PTPRD: variants seen among roughly 807,000 people sequenced by gnomAD.
The protein encoded by PTPRD is protein tyrosine phosphatase receptor type D.
A neutral mutation model predicts 214.5 loss-of-function variants in PTPRD; 34 were observed. The observed-to-expected ratio is 0.16, with a 90% confidence interval of 0.12 to 0.21. The LOEUF (loss-of-function observed/expected upper bound fraction) is 0.21. PTPRD is among the 10% of genes least tolerant of loss of function. The probability of loss-of-function intolerance (pLI) is 1.00; values close to 1 mark genes in which losing one functional copy is unlikely to be tolerated. For missense variants in PTPRD, 2,545 were observed against 2,398.7 expected (o/e 1.06, Z -1.27); for synonymous variants, 1,128 against 845.7 (o/e 1.33, Z -5.79).
intron 10 of PTPRD, among the ~76,000 whole-genome samples, chr9:9,023,950 T>C (rs2099578253): frequency 6.6e-6 from 1 of 152,090 alleles, no homozygotes; most frequent in African/African-American, 2.4e-5. Flanking sequence ...ATTAAGTCAT[T>C]AATCATCATT....
At chr9:8,757,332 G>C (rs1007159952) in intron 11 of PTPRD, among the ~76,000 whole-genome samples, 1 of 152,086 alleles carries the variant, frequency 6.6e-6, no homozygotes, top group Non-Finnish European at 1.5e-5. Context: ...CAAATACATG[G>C]TTTGAATGAG....
intron 10 of PTPRD, among the ~76,000 whole-genome samples, chr9:9,147,209 C>G (rs1373869433): frequency 6.8e-6 from 1 of 147,824 alleles, no homozygotes; most frequent in Non-Finnish European, 1.5e-5. Context: ...GTCCTAAAAA[C>G]CTGAATAATG....
chr9:10,549,746 A>T (rs2060909337), intron 2 of PTPRD, among the ~76,000 whole-genome samples: 1 of 152,190 alleles, frequency 6.6e-6, no homozygotes, highest in Admixed American at 6.5e-5. Flanking sequence ...TGTCTTCTTC[A>T]TAAAAACTAT....
intron 7 of PTPRD, among the ~76,000 whole-genome samples, chr9:9,655,524 G>T (rs1374651668): frequency 6.6e-6 from 1 of 151,816 alleles, no homozygotes; most frequent in Non-Finnish European, 1.5e-5. Flanking sequence ...AGCCGAAATT[G>T]CATCACTGCA....
intron 39 of PTPRD, among the ~76,000 whole-genome samples, chr9:8,353,910 GTATATATGTA>G (rs1564201779): frequency 9.9e-6 from 1 of 100,748 alleles, no homozygotes; most frequent in East Asian, 2.7e-4. Flanking sequence ...GTATATATGT[GTATATATGTA>G]TATATATGTG....
In PTPRD at chr9:8,392,151, G is replaced by T. The variant is rs900980562; in HGVS notation, c.4211-2744C>A. ...TATAATCCCAACATTTTGAGAGGCT[G>T]AGGCAGGAGGATCACTTGAGCCCAG... is the stretch of plus-strand genomic sequence containing the variant. On this transcript the variant is annotated intron_variant, in intron 36 of 45. Coordinates refer to ENST00000381196, the MANE Select transcript of PTPRD (RefSeq NM_002839.4). Among the ~76,000 whole-genome samples, 3 of 152,076 alleles carry T rather than the reference G, an allele frequency of 2.0e-5. No homozygotes were observed. In the East Asian group the frequency reaches 5.8e-4, roughly 29 times the overall value.
intron 26 of PTPRD, among the ~76,000 whole-genome samples, chr9:8,493,477 T>C (rs2097191517): frequency 6.6e-6 from 1 of 152,196 alleles, no homozygotes; most frequent in Admixed American, 6.5e-5. Flanking sequence ...AGACTACAGA[T>C]GGGGCTGATG....
intron 44 of PTPRD, among the ~76,000 whole-genome samples, chr9:8,321,487 G>GTGTATATATATATA (rs1168847469): frequency 1.5e-3 from 66 of 44,514 alleles, no homozygotes; most frequent in Non-Finnish European, 2.2e-3. Context: ...GTGTGTGTGT[G>GTGTATATATATATA]TATATATATA....
intron 9 of PTPRD, among the ~76,000 whole-genome samples, chr9:9,197,471 C>T (rs1044612397): frequency 2.2e-4 from 30 of 137,020 alleles, no homozygotes; most frequent in East Asian, 4.4e-4. Context: ...AATGCAATAG[C>T]GCAATCTTTG....
At chr9:9,009,916 T>C (rs1409006493) in intron 11 of PTPRD, among the ~76,000 whole-genome samples, 11 of 152,136 alleles carry the variant, frequency 7.2e-5, no homozygotes. Flanking sequence ...TTAGGTTGAC[T>C]TGGTGCCTCT....
At chr9:9,769,317 CT>C (rs34497562) in intron 5 of PTPRD, among the ~76,000 whole-genome samples, 109 of 69,588 alleles carry the variant, frequency 1.6e-3, no homozygotes, top group East Asian at 0.013. Context: ...ACCAGAAGCC[CT>C]TTTTTTTTTT....
intron 2 of PTPRD, among the ~76,000 whole-genome samples, chr9:10,556,704 C>T (rs967400208): frequency 6.6e-6 from 1 of 151,828 alleles, no homozygotes; most frequent in Non-Finnish European, 1.5e-5. Flanking sequence ...CATCTAAAAA[C>T]AGGAGGAACA....
intron 39 of PTPRD, among the ~76,000 whole-genome samples, chr9:8,362,173 G>A (rs998298550): frequency 2.6e-5 from 4 of 152,154 alleles, no homozygotes; most frequent in African/African-American, 9.7e-5. Flanking sequence ...TTATTCCTAA[G>A]CCTTTAGAAA....
chr9:9,084,146 C>G (rs537010916), intron 10 of PTPRD, among the ~76,000 whole-genome samples: 20 of 152,204 alleles, frequency 1.3e-4, no homozygotes, highest in Non-Finnish European at 2.9e-4. Flanking sequence ...AGACTTGGAA[C>G]CAACCCAAAT....
At chr9:9,810,623 G>T (rs373102533) in intron 5 of PTPRD, among the ~76,000 whole-genome samples, 10 of 150,826 alleles carry the variant, frequency 6.6e-5, no homozygotes, top group Non-Finnish European at 8.9e-5. Flanking sequence ...AAAAAAAAAA[G>T]ATTTCGTTTA....
chr9:8,337,179 CAA>C (rs1847784505), intron 43 of PTPRD, among the ~76,000 whole-genome samples: 1 of 152,106 alleles, frequency 6.6e-6, no homozygotes, highest in Non-Finnish European at 1.5e-5. Flanking sequence ...TTCACAATAG[CAA>C]AGACTTGTAA....
intron 34 of PTPRD, among the ~76,000 whole-genome samples, chr9:8,441,155 G>A (rs1315165584): frequency 6.6e-6 from 1 of 152,126 alleles, no homozygotes; most frequent in Non-Finnish European, 1.5e-5. Flanking sequence ...TCCTCACAAT[G>A]AGCAGGTTTC....
At chr9:9,885,007 G>A (rs114192639) in intron 5 of PTPRD, among the ~76,000 whole-genome samples, 3 of 151,978 alleles carry the variant, frequency 2.0e-5, no homozygotes, top group East Asian at 3.9e-4. Flanking sequence ...CAAAGAAAAC[G>A]TTATTGGCAT....
chr9:9,084,021 A>T (rs1277955288), intron 10 of PTPRD, among the ~76,000 whole-genome samples: 1 of 152,164 alleles, frequency 6.6e-6, no homozygotes, highest in African/African-American at 2.4e-5. Context: ...TAGAACCAGA[A>T]ATACCGTTTG....
Sources: gnomAD v4.1 joint callset for allele counts (sites outside exome capture counted in the v4.1 genomes callset) on GRCh38, gnomAD v4.1.1 for gene constraint, MANE v1.5 for transcripts, NCBI Gene and HGNC (gene_info 2026-07-23, HGNC 2026-07-21) for gene names.